PCDHGA1: variants seen among roughly 807,000 people sequenced by gnomAD.
PCDHGA1 encodes the protein protocadherin gamma-A1.
Under a neutral mutation model 58.0 loss-of-function variants are expected in PCDHGA1, and 32 were observed. The ratio of observed to expected loss-of-function variants is 0.55; its 90% CI spans 0.42 to 0.74. PCDHGA1 has a LOEUF of 0.74. Ranked by LOEUF, PCDHGA1 falls within the 30% of genes least tolerant of loss-of-function variation. The pLI is 0.00. For synonymous variants in PCDHGA1, 498 were observed against 501.1 expected (o/e 0.99, Z 0.08); for missense variants, 1,205 against 1,182.3 (o/e 1.02, Z -0.28).
chr5:141,431,974 CA>C lies in PCDHGA1; in HGVS notation c.2422-62832del, dbSNP rs1419355804. The C allele has an allele frequency of 1.2e-6, 2 of 1,614,174 alleles. No individual in the cohort carries two copies. The highest frequency in any genetic ancestry group is 1.3e-5 in the African/African-American group (1 of 75,058). On this transcript the variant is annotated intron_variant, in intron 1 of 3. Transcript: ENST00000517417. This position sits in a 1 kb window ranked among gnomAD's most constrained non-coding sequence, Gnocchi z 4.8. ...CTTACGGAAATTACTATAGTTTAGT[CA>C]CAGACATAGTCTTGGATAGGGAACA... is the stretch of plus-strand genomic sequence containing the variant.
At position 141,477,401 on chromosome 5, in the gene PCDHGA1, G is replaced by T. The variant is rs781253466; in HGVS notation, c.2422-17406G>T. On this transcript the variant is annotated intron_variant, in intron 1 of 3. Coordinates refer to ENST00000517417, the MANE Select transcript of PCDHGA1 (RefSeq NM_018912.3). The surrounding 1 kb of genome is among the most constrained non-coding windows in gnomAD (Gnocchi z 4.9). ...GCCAGAATACAACCTCAGCATCACC[G>T]CCCGAGACGCCGGAACCCCTTCCCT... 8 of 1,613,960 alleles carry T rather than the reference G, an allele frequency of 5.0e-6. No homozygotes were observed. The highest frequency in any genetic ancestry group is 4.5e-5 in the East Asian group (2 of 44,890).
intron 1 of PCDHGA1, among the ~76,000 whole-genome samples, chr5:141,467,938 C>A (rs527892047): frequency 9.8e-5 from 15 of 152,304 alleles, no homozygotes; most frequent in Non-Finnish European, 1.5e-4. Flanking sequence ...GGATTACAAG[C>A]ATGAGCCACC....
At chr5:141,386,719 C>A (rs1487131983) in intron 1 of PCDHGA1, among the ~76,000 whole-genome samples, 1 of 152,104 alleles carries the variant, frequency 6.6e-6, no homozygotes, top group African/African-American at 2.4e-5. Flanking sequence ...CTGACACCAA[C>A]AATGTTACTG....
intron 1 of PCDHGA1, chr5:141,361,534 C>T (rs1251295002): frequency 2.5e-6 from 4 of 1,614,058 alleles, no homozygotes; most frequent in Non-Finnish European, 2.5e-6. Flanking sequence ...GAACAATCCT[C>T]CTGGCGCCTC....
chr5:141,374,078 C>T, intron 1 of PCDHGA1: 1 of 1,516,122 alleles, frequency 6.6e-7, no homozygotes, highest in Non-Finnish European at 8.8e-7. Flanking sequence ...TCCTAATAAG[C>T]CAGTAATGGC....
chr5:141,355,258 C>T (rs1330047112), intron 1 of PCDHGA1: 10 of 1,613,526 alleles, frequency 6.2e-6, no homozygotes, highest in Non-Finnish European at 8.5e-6. Context: ...CTGCCTTCTC[C>T]TGGGGGTTCT....
chr5:141,470,490 A>C (rs1193023083), intron 1 of PCDHGA1, among the ~76,000 whole-genome samples: 1 of 152,202 alleles, frequency 6.6e-6, no homozygotes, highest in African/African-American at 2.4e-5. Context: ...TCTGGGAATA[A>C]TATTAGGTAA....
At chr5:141,340,915 C>T in intron 1 of PCDHGA1, 1 of 1,613,810 alleles carries the variant, frequency 6.2e-7, no homozygotes, top group Non-Finnish European at 8.5e-7. Flanking sequence ...CCATCCAGGA[C>T]CACGGCCAGC....
chr5:141,450,755 G>A (rs556795021), intron 1 of PCDHGA1, among the ~76,000 whole-genome samples: 8 of 152,040 alleles, frequency 5.3e-5, no homozygotes, highest in Admixed American at 1.3e-4. Context: ...CCAAAGTGCC[G>A]GGATTACAGG....
intron 1 of PCDHGA1, among the ~76,000 whole-genome samples, chr5:141,473,910 A>G (rs1165685707): frequency 6.6e-6 from 1 of 152,168 alleles, no homozygotes; most frequent in Non-Finnish European, 1.5e-5. Flanking sequence ...AAGAGGTCTT[A>G]AGAAAACTAT....
chr5:141,425,695 T>C (rs1329762653), intron 1 of PCDHGA1, among the ~76,000 whole-genome samples: 1 of 152,232 alleles, frequency 6.6e-6, no homozygotes, highest in Non-Finnish European at 1.5e-5. Context: ...TATCATTTCA[T>C]AGTGGTCAAA....
chr5:141,404,902 C>T, intron 1 of PCDHGA1: 1 of 1,613,856 alleles, frequency 6.2e-7, no homozygotes, highest in Non-Finnish European at 8.5e-7. Context: ...AGGACCATGG[C>T]CAGCCCCCTC....
chr5:141,396,725 T>A (rs1432052825), intron 1 of PCDHGA1: 2 of 152,198 alleles, frequency 1.3e-5, no homozygotes, highest in East Asian at 3.8e-4. Flanking sequence ...AATACCTGAA[T>A]TGATTGTTGT....
chr5:141,367,835 C>T (rs1423216035), intron 1 of PCDHGA1: 1 of 151,994 alleles, frequency 6.6e-6, no homozygotes, highest in East Asian at 1.9e-4. Context: ...GAATCAATAC[C>T]TACTGCAATG....
At chr5:141,381,854 A>T (rs1588908690) in intron 1 of PCDHGA1, among the ~76,000 whole-genome samples, 9 of 54,602 alleles carry the variant, frequency 1.6e-4, no homozygotes, top group South Asian at 5.1e-4. Context: ...TTTTTGGCAG[A>T]GTTTTGCTCT....
At chr5:141,382,900 A>T (rs564801333) in intron 1 of PCDHGA1, 4 of 1,542,372 alleles carry the variant, frequency 2.6e-6, no homozygotes, top group Admixed American at 4.2e-5. Context: ...CAGGACGACT[A>T]TGGCGGCTCA....
chr5:141,390,532 T>A, intron 1 of PCDHGA1: 1 of 531,632 alleles, frequency 1.9e-6, no homozygotes, highest in Non-Finnish European at 3.3e-6. Flanking sequence ...GGTGTGGTTT[T>A]AACCACAAAG....
At chr5:141,345,627 G>A in intron 1 of PCDHGA1, 1 of 1,614,188 alleles carries the variant, frequency 6.2e-7, no homozygotes, top group South Asian at 1.1e-5. Context: ...AAAGCTACTG[G>A]TGACAGCCAG....
intron 1 of PCDHGA1, among the ~76,000 whole-genome samples, chr5:141,349,378 T>C (rs1273851475): frequency 6.6e-6 from 1 of 152,112 alleles, no homozygotes; most frequent in Non-Finnish European, 1.5e-5. Flanking sequence ...GTATTTAATA[T>C]ACATTCATAT....
Sources: gnomAD v4.1 joint callset for allele counts (sites outside exome capture counted in the v4.1 genomes callset) on GRCh38, gnomAD v4.1.1 for gene constraint, Gnocchi (gnomAD v3.1) non-coding constraint, MANE v1.5 for transcripts, NCBI Gene and HGNC (gene_info 2026-07-23, HGNC 2026-07-21) for gene names.